SCLT1: variants seen among roughly 807,000 people sequenced by gnomAD.
SCLT1 encodes sodium channel-associated protein 1.
A neutral mutation model predicts 112.8 loss-of-function variants in SCLT1; 78 were observed. The ratio of observed to expected loss-of-function variants is 0.69; its 90% CI spans 0.58 to 0.83. The LOEUF is 0.83. Among genes scored for constraint, SCLT1 ranks in the 40% least tolerant of loss-of-function variants. SCLT1 has a pLI of 0.00. For missense variants in SCLT1, 747 were observed against 770.4 expected (o/e 0.97, Z 0.36); for synonymous variants, 257 against 254.7 (o/e 1.01, Z -0.09).
intron 18 of SCLT1, among the ~76,000 whole-genome samples, chr4:128,901,080 T>A (rs925333246): frequency 6.6e-6 from 1 of 152,178 alleles, no homozygotes; most frequent in African/African-American, 2.4e-5. Flanking sequence ...TTGGGACTGT[T>A]AACTAGTTCA....
At chr4:128,995,977 T>G (rs1157996696) in intron 8 of SCLT1, among the ~76,000 whole-genome samples, 1 of 152,112 alleles carries the variant, frequency 6.6e-6, no homozygotes, top group African/African-American at 2.4e-5. Flanking sequence ...CAGACTATGC[T>G]GGATCTGTGA....
intron 2 of SCLT1, among the ~76,000 whole-genome samples, chr4:129,068,144 C>G (rs1279260974): frequency 6.6e-6 from 1 of 152,266 alleles, no homozygotes; most frequent in South Asian, 2.1e-4. Context: ...CCAATCTCAT[C>G]CAGGTTGCTG....
At chr4:129,026,965 T>G (rs2126134966) in intron 5 of SCLT1, among the ~76,000 whole-genome samples, 2 of 152,198 alleles carry the variant, frequency 1.3e-5, no homozygotes, top group East Asian at 3.9e-4. Context: ...AATGGATAAA[T>G]TCCTCGACAC....
At chr4:128,897,590 G>C (rs1357449545) in intron 18 of SCLT1, among the ~76,000 whole-genome samples, 1 of 151,914 alleles carries the variant, frequency 6.6e-6, no homozygotes, top group South Asian at 2.1e-4. Flanking sequence ...AAAGACCATC[G>C]AGGCTAGGAA....
chr4:129,031,890 T>A (rs190980361), intron 5 of SCLT1, among the ~76,000 whole-genome samples: 7 of 152,270 alleles, frequency 4.6e-5, no homozygotes, highest in Non-Finnish European at 8.8e-5. Flanking sequence ...AAGTAATTTA[T>A]AGATTCAATG....
At position 128,955,056 on chromosome 4, in the gene SCLT1, C is replaced by T. The variant is rs566135310; in HGVS notation, c.1146+1970G>A. Reference sequence around the variant, plus strand: ...GTCAGACGAATCAAACTACTCATGCCTTTTAAAAGGACTGTGTAGAACTAT... The same window carrying T: ...GTCAGACGAATCAAACTACTCATGCTTTTTAAAAGGACTGTGTAGAACTAT... On this transcript the variant is annotated intron_variant, in intron 13 of 20. Coordinates refer to ENST00000281142, the MANE Select transcript of SCLT1 (RefSeq NM_144643.4). 7.9e-5 allele frequency among the ~76,000 whole-genome samples: 12 copies of T among 152,248 alleles called. No homozygotes were observed. In the East Asian group the frequency reaches 1.7e-3, roughly 22 times the overall value.
intron 15 of SCLT1, among the ~76,000 whole-genome samples, chr4:128,947,115 T>A (rs1738235106): frequency 6.6e-6 from 1 of 152,172 alleles, no homozygotes; most frequent in Non-Finnish European, 1.5e-5. Flanking sequence ...GGAATACAGA[T>A]CTAAGCTGCA....
rs1291006450 is a variant in SCLT1, at chr4:129,085,203, G to C, written c.35-2830C>G. On this transcript the variant is annotated intron_variant, in intron 1 of 20. Transcript: ENST00000281142. ...AAAATCCCATTAAAAAGTGGGCAAA[G>C]CTCATGAACAGACACCTTTTAAAAG... Among the ~76,000 whole-genome samples, 3 of 152,088 alleles carry C rather than the reference G, an allele frequency of 2.0e-5. No homozygotes were observed. The East Asian group carries it at 5.8e-4, about 29-fold the overall frequency.
rs575021931 is a variant in SCLT1, at chr4:129,054,589, T to C, written c.103-10538A>G. ...TTTACAAAGTTCTTGTGTTGTGTTT[T>C]TCAGCTCTGTCAGGTCATTTACGTT... On this transcript the variant is annotated intron_variant, in intron 2 of 20. Transcript: ENST00000281142. 8.5e-5 allele frequency among the ~76,000 whole-genome samples: 13 copies of C among 152,238 alleles called. 1 individual carries two copies. The highest frequency in any genetic ancestry group is 2.6e-4 in the African/African-American group (11 of 41,560).
intron 1 of SCLT1, among the ~76,000 whole-genome samples, chr4:129,090,728 T>C (rs186532882): frequency 2.0e-5 from 3 of 152,312 alleles, no homozygotes; most frequent in East Asian, 3.9e-4. Flanking sequence ...GTTCCTTAGA[T>C]TGATAATGCA....
At chr4:128,945,974 T>C (rs778404805) in intron 16 of SCLT1, 33 bp downstream of exon 16, 25 of 1,490,252 alleles carry the variant, frequency 1.7e-5, no homozygotes, top group Middle Eastern at 1.7e-4. Flanking sequence ...ATTCTGAAGA[T>C]GTTATCATAG....
rs1053827094 is a variant in SCLT1, at chr4:128,928,179, A to T, written c.1829+8476T>A. ...ATTCCAGGCCAAGAGATTTCACTGG[A>T]GAATTCTATCAAATATTCAAGGAAT... On this transcript the variant is annotated intron_variant, in intron 18 of 20. Transcript: ENST00000281142. Among the ~76,000 whole-genome samples, 4 of 152,104 alleles carry T rather than the reference A, an allele frequency of 2.6e-5. No individual in the cohort carries two copies. In the East Asian group the frequency reaches 7.7e-4, roughly 29 times the overall value.
chr4:128,956,417 T>A (rs1448550127), intron 13 of SCLT1, among the ~76,000 whole-genome samples: 1 of 152,114 alleles, frequency 6.6e-6, no homozygotes, highest in Non-Finnish European at 1.5e-5. Flanking sequence ...GCAGAAAGGA[T>A]ATAGAAGATG....
chr4:128,974,398 A>G (rs954361616), intron 9 of SCLT1, among the ~76,000 whole-genome samples: 29 of 151,638 alleles, frequency 1.9e-4, no homozygotes, highest in African/African-American at 7.0e-4. Flanking sequence ...AGGCTAGGCT[A>G]TGTGATCAGT....
intron 4 of SCLT1, among the ~76,000 whole-genome samples, chr4:129,041,564 G>A (rs1747696940): frequency 6.6e-6 from 1 of 152,018 alleles, no homozygotes; most frequent in Admixed American, 6.6e-5. Context: ...CATAAGCCCT[G>A]GCATTTAATC....
chr4:128,952,115 T>C (rs992664652), intron 14 of SCLT1, among the ~76,000 whole-genome samples: 1 of 152,164 alleles, frequency 6.6e-6, no homozygotes, highest in African/African-American at 2.4e-5. Flanking sequence ...AGAGTGTGTA[T>C]GCTCAACATA....
At chr4:128,895,050 T>C (rs944500171) in intron 18 of SCLT1, among the ~76,000 whole-genome samples, 1 of 152,196 alleles carries the variant, frequency 6.6e-6, no homozygotes, top group Non-Finnish European at 1.5e-5. Flanking sequence ...CTTGCATCTA[T>C]TTTTCATTCC....
At position 129,061,991 on chromosome 4, in the gene SCLT1, C is replaced by T. The variant is rs542935687; in HGVS notation, c.103-17940G>A. The stretch of plus-strand genomic sequence containing the variant: ...TGAGGATTGCAGGGGACCCCAGTGG[C>T]GAGGTCTGTAGGAGTTAATGCAGGC... On this transcript the variant is annotated intron_variant, in intron 2 of 20. Transcript: ENST00000281142. Among the ~76,000 whole-genome samples, 39 of 152,100 alleles carry T rather than the reference C, an allele frequency of 2.6e-4. No homozygotes were observed. The South Asian group carries it at 6.2e-3, about 24-fold the overall frequency.
chr4:129,043,806 G>A (rs983022094), intron 3 of SCLT1, among the ~76,000 whole-genome samples, 187 bp downstream of exon 3: 13 of 152,166 alleles, frequency 8.5e-5, no homozygotes, highest in South Asian at 2.1e-4. Context: ...GGAAACAGGG[G>A]TAAAGTTGCT....
Sources: allele counts gnomAD v4.1 joint callset (sites outside exome capture counted in the v4.1 genomes callset), GRCh38; gene constraint gnomAD v4.1.1; transcripts MANE v1.5; gene names NCBI Gene and HGNC (gene_info 2026-07-23, HGNC 2026-07-21).